The following ZNF644 variants were observed in gnomAD, a reference collection of about 807,000 sequenced individuals.
The protein encoded by ZNF644 is zinc finger motif enhancer binding protein 2.
Under a neutral mutation model 108.0 loss-of-function variants are expected in ZNF644, and 20 were observed. The ratio of observed to expected loss-of-function variants is 0.19; its 90% confidence interval spans 0.13 to 0.27. The LOEUF (loss-of-function observed/expected upper bound fraction) is 0.27, where lower values mean the gene tolerates loss of function less well. ZNF644 is among the 10% of genes least tolerant of loss of function. The probability of loss-of-function intolerance (pLI) is 1.00; values close to 1 mark genes in which losing one functional copy is unlikely to be tolerated. For synonymous variants in ZNF644, 542 were observed against 539.1 expected, an observed-to-expected ratio of 1.01 and a Z score of -0.08; for missense variants, 1,338 against 1,548.9, an observed-to-expected ratio of 0.86 and a Z score of 2.29.
chr1:90,936,067 G>A (rs531047993), intron 4 of ZNF644, among the ~76,000 whole-genome samples: 9 of 151,970 alleles, frequency 5.9e-5, no homozygotes, highest in Non-Finnish European at 7.4e-5. Flanking sequence ...TTTTATTTAG[G>A]GTATTTTATG....
chr1:90,941,537 T>C (rs1651992757), intron 2 of ZNF644, among the ~76,000 whole-genome samples: 1 of 152,120 alleles, frequency 6.6e-6, no homozygotes. Context: ...GTCCAATACG[T>C]CATGTATACA....
intron 2 of ZNF644, among the ~76,000 whole-genome samples, chr1:90,974,683 C>T (rs1655817293): frequency 1.3e-5 from 2 of 152,350 alleles, no homozygotes; most frequent in East Asian, 1.9e-4. Context: ...ACTTCTACCA[C>T]TCTCAAGTCA....
Position 90,961,624 on chromosome 1 carries a change from C to T in ZNF644, c.45-20315G>A, listed in dbSNP as rs917476728. On this transcript the variant is annotated intron_variant, in intron 2 of 5. Transcript: ENST00000337393. ...TGAGACATTAAAGAGATTTTTAAAACATGTAAAACAATGGTACTCTTCTCA... is the reference window on the plus strand; with the variant it reads ...TGAGACATTAAAGAGATTTTTAAAATATGTAAAACAATGGTACTCTTCTCA... Among the ~76,000 whole-genome samples, 4 of 151,998 alleles carry T rather than the reference C, an allele frequency of 2.6e-5. No homozygotes were observed. In the South Asian group the frequency reaches 8.3e-4, roughly 31 times the overall value.
In ZNF644 at chr1:90,938,717, A is replaced by G. The variant is rs1651613726; in HGVS notation, c.2637T>C (p.Tyr879=). Residue 879 remains tyrosine, a synonymous_variant, in exon 3 of 6, where the codon TAT becomes TAC. Transcript: ENST00000337393. This position sits in a 1 kb window ranked among gnomAD's most constrained non-coding sequence, Gnocchi z 4.2. ...YTTQAIEDET[Y]SDINQEHVNL... Reference sequence around the variant, plus strand: ...TTACATGCTCTTGATTAATATCACTATAGGTTTCATCTTCTATGGCCTGTG... The same window carrying G: ...TTACATGCTCTTGATTAATATCACTGTAGGTTTCATCTTCTATGGCCTGTG... 1 of 1,613,858 alleles carries G rather than the reference A, an allele frequency of 6.2e-7. No homozygotes were observed. Among genetic ancestry groups the G allele is most frequent in the African/African-American group, 1.3e-5 (1 of 75,036 alleles).
chr1:90,935,506 CAT>C, intron 4 of ZNF644: 1 of 985,846 alleles, frequency 1.0e-6, no homozygotes, highest in Non-Finnish European at 1.2e-6. Flanking sequence ...GCAATGCACA[CAT>C]GTTCTAAGCT....
At chr1:90,978,676 C>T (rs992332808) in intron 2 of ZNF644, among the ~76,000 whole-genome samples, 6 of 151,980 alleles carry the variant, frequency 3.9e-5, no homozygotes, top group Non-Finnish European at 5.9e-5. Context: ...AAAATGAAGA[C>T]GAAGACTCTG....
At chr1:90,923,274 G>A (rs1347072313) in intron 4 of ZNF644, among the ~76,000 whole-genome samples, 1 of 151,868 alleles carries the variant, frequency 6.6e-6, no homozygotes, top group African/African-American at 2.4e-5. Flanking sequence ...AGCAGCCCTG[G>A]GACCTGAGTA....
chr1:91,002,875 T>A (rs535333508), intron 1 of ZNF644, among the ~76,000 whole-genome samples: 1 of 152,026 alleles, frequency 6.6e-6, no homozygotes, highest in Non-Finnish European at 1.5e-5. Flanking sequence ...GCAAAGGATA[T>A]GAACAGACAC....
In ZNF644 at chr1:90,940,795, G is replaced by A. The variant is rs1651882099; in HGVS notation, c.559C>T (p.Pro187Ser). The A allele has an allele frequency of 6.2e-7, 1 of 1,613,962 alleles. No individual in the cohort carries two copies. Among genetic ancestry groups the A allele is most frequent in the East Asian group, 2.2e-5 (1 of 44,884 alleles). ...GGTAGTTTTTTATTGGAATGGGTGGGATTCTTAGCATGTGCTACATCTGAT... is the reference window on the plus strand; with the variant it reads ...GGTAGTTTTTTATTGGAATGGGTGGAATTCTTAGCATGTGCTACATCTGAT... ...LLSDVAHAKN[P>S]THSNKKLPTS... Residue 187 changes from proline to serine, a missense_variant, in exon 3 of 6, where the codon CCC becomes TCC. By Grantham distance (74) the Pro-to-Ser change is moderately conservative. Transcript: ENST00000337393.
chr1:90,994,026 C>T (rs182946361), intron 1 of ZNF644, among the ~76,000 whole-genome samples: 2 of 152,282 alleles, frequency 1.3e-5, no homozygotes, highest in East Asian at 3.9e-4. Context: ...TCAGGCTGAT[C>T]AGATTACCCT....
rs749473342 is a variant in ZNF644, at chr1:90,940,482, CTTT to C, written c.869_871del (p.Lys290del). ...CTTGCTTACATCCATTTTTCGCTTT[CTTT>C]TTTTTTCTAGACCTATTTTAGAATG... On this transcript the variant is annotated inframe_deletion, in exon 3 of 6. Transcript: ENST00000337393. 6.8e-6 allele frequency: 11 copies of C among 1,610,030 alleles called. No individual in the cohort carries two copies. In the South Asian group the frequency reaches 9.9e-5, roughly 14 times the overall value.
intron 4 of ZNF644, among the ~76,000 whole-genome samples, chr1:90,927,470 A>G (rs12724992): frequency 0.16 from 24,826 of 152,152 alleles, 2,241 homozygotes; most frequent in Middle Eastern, 0.27. Flanking sequence ...ATTATATCCA[A>G]GCTACTCAAG....
Position 90,959,350 on chromosome 1 carries a change from A to G in ZNF644, c.45-18041T>C, listed in dbSNP as rs565170850. Among the ~76,000 whole-genome samples, 27 of 152,288 alleles carry G rather than the reference A, an allele frequency of 1.8e-4. No individual in the cohort carries two copies. In the South Asian group the frequency reaches 5.4e-3, roughly 30 times the overall value. ...TGGATAATAAGTTTGGCAGTTCCTA[A>G]AAGAGTTGAGCTAGATTACCATATG... On this transcript the variant is annotated intron_variant, in intron 2 of 5. Transcript: ENST00000337393.
In ZNF644 at chr1:90,945,568, A is replaced by T; in HGVS notation, c.45-4259T>A. Among the ~76,000 whole-genome samples the T allele has an allele frequency of 1.3e-5, 2 of 152,072 alleles. 1 individual carries two copies. Among genetic ancestry groups the T allele is most frequent in the Non-Finnish European group, 2.9e-5 (2 of 67,936 alleles). On this transcript the variant is annotated intron_variant, in intron 2 of 5. Coordinates refer to ENST00000337393, the MANE Select transcript of ZNF644 (RefSeq NM_201269.3). ...TTTGCAAACTATCAGCACTTGCTAT[A>T]ACACCCTCACTACACTACATCTTGA...
chr1:90,941,948 T>G (rs963046862), intron 2 of ZNF644, among the ~76,000 whole-genome samples: 1 of 152,192 alleles, frequency 6.6e-6, no homozygotes, highest in Non-Finnish European at 1.5e-5. Context: ...CTCCCAACAT[T>G]CTATCAATTG....
rs146201775 is a variant in ZNF644 at position 90,989,097 on chromosome 1, G to A, written c.-17-6727C>T. The stretch of plus-strand genomic sequence containing the variant: ...GAGTGAAAAGACAACCTACAGACTG[G>A]GAGAAAATATTTGCAAATCATGTAT... On this transcript the variant is annotated intron_variant, in intron 1 of 5. Transcript: ENST00000337393. Among the ~76,000 whole-genome samples, 408 of 152,028 alleles carry A rather than the reference G, an allele frequency of 2.7e-3. 2 individuals carry two copies. The highest frequency in any genetic ancestry group is 9.4e-3 in the African/African-American group (388 of 41,492).
rs1470651246 is a variant in ZNF644 at position 90,915,396 on chromosome 1, T to G, written c.*1402A>C. On this transcript the variant is annotated 3_prime_UTR_variant, in exon 6 of 6. Transcript: ENST00000337393. Reference sequence around the variant, plus strand: ...CACTGGCAGTGAGGTATGTATATACTCTACCAAAATACTCCTTATTTTAAC... The same window carrying G: ...CACTGGCAGTGAGGTATGTATATACGCTACCAAAATACTCCTTATTTTAAC... The G allele has an allele frequency of 2.0e-5, 3 of 152,718 alleles. No homozygotes were observed. Among genetic ancestry groups the G allele is most frequent in the Admixed American group, 6.5e-5 (1 of 15,302 alleles). The allele number at this position is 152,718 out of a possible 1,614,324, so 9.5% of individuals were successfully genotyped here.
intron 2 of ZNF644, among the ~76,000 whole-genome samples, chr1:90,972,119 T>TAAAC (rs538176238): frequency 2.0e-5 from 3 of 151,992 alleles, no homozygotes; most frequent in South Asian, 2.1e-4. Context: ...AGACTCTGTC[T>TAAAC]AAACAAACAA....
intron 2 of ZNF644, among the ~76,000 whole-genome samples, chr1:90,958,372 A>T (rs2101105205): frequency 6.6e-6 from 1 of 152,224 alleles, no homozygotes; most frequent in East Asian, 1.9e-4. Flanking sequence ...GGATTTCAAG[A>T]CTTAGTATTG....
Sources: gnomAD v4.1 joint callset for allele counts (sites outside exome capture counted in the v4.1 genomes callset) on GRCh38, gnomAD v4.1.1 for gene constraint, Gnocchi (gnomAD v3.1) non-coding constraint, MANE v1.5 for transcripts, NCBI Gene and HGNC (gene_info 2026-07-23, HGNC 2026-07-21) for gene names.